The following KYAT3 variants were observed in gnomAD, a reference collection of about 807,000 sequenced individuals.
KYAT3 encodes kynurenine aminotransferase 3, also known as kynurenine--oxoglutarate transaminase 3.
In KYAT3, 50 loss-of-function variants were observed where a neutral mutation model predicts 59.0. That is an observed-to-expected ratio of 0.85 (90% CI 0.68 to 1.07). The LOEUF (loss-of-function observed/expected upper bound fraction) is 1.07. Ranked by LOEUF, KYAT3 falls within the 50% of genes least tolerant of loss-of-function variation. The probability of loss-of-function intolerance (pLI) is 0.00; values close to 1 mark genes in which losing one functional copy is unlikely to be tolerated. For synonymous variants in KYAT3, 148 were observed against 177.0 expected (o/e 0.84, Z 1.30); for missense variants, 497 against 533.3 (o/e 0.93, Z 0.67).
intron 4 of KYAT3, among the ~76,000 whole-genome samples, chr1:88,968,355 T>A (rs1336139216): frequency 6.6e-6 from 1 of 152,186 alleles, no homozygotes; most frequent in Non-Finnish European, 1.5e-5. Flanking sequence ...GTGCTCAGGC[T>A]GCATAAATGT....
the KYAT3 span, among the ~76,000 whole-genome samples, chr1:88,925,681 GAA>G: frequency 1.5e-5 from 2 of 134,048 alleles, no homozygotes; most frequent in Admixed American, 1.4e-4. Flanking sequence ...AAGAGAGATG[GAA>G]GAGAGAGAGA....
chr1:88,976,599 C>A (rs1676797821), intron 2 of KYAT3, among the ~76,000 whole-genome samples: 1 of 151,998 alleles, frequency 6.6e-6, no homozygotes, highest in Non-Finnish European at 1.5e-5. Flanking sequence ...TTAGAGTGTA[C>A]CCTTACTTAT....
chr1:88,965,820 G>C (rs899859300), intron 4 of KYAT3, among the ~76,000 whole-genome samples: 1 of 152,176 alleles, frequency 6.6e-6, no homozygotes, highest in African/African-American at 2.4e-5. Flanking sequence ...TGCAGGTCAT[G>C]TACCTTTGTT....
intron 11 of KYAT3, among the ~76,000 whole-genome samples, chr1:88,948,254 TCA>T (rs1675527868): frequency 6.6e-6 from 1 of 152,194 alleles, no homozygotes; most frequent in South Asian, 2.1e-4. Flanking sequence ...ATAAAACACT[TCA>T]GTTTTTCAAG....
intron 2 of KYAT3, among the ~76,000 whole-genome samples, chr1:88,985,372 A>T (rs1677393349): frequency 6.6e-6 from 1 of 152,186 alleles, no homozygotes; most frequent in South Asian, 2.1e-4. Flanking sequence ...GACAACTAGA[A>T]GTTTGGGTTT....
chr1:88,961,413 T>G lies in KYAT3; in HGVS notation c.634A>C (p.Ile212Leu). The change falls in exon 7 of 14, where the codon ATA becomes CTA. Residue 212 changes from isoleucine to leucine, a missense_variant. Ile to Leu is a conservative substitution (Grantham distance 5). This residue lies in a region of KYAT3 where 469 missense variants were observed against 479.1 expected (regional missense o/e 0.98). Transcript: ENST00000260508. ...AGTGGGTTATGTGGAGTATTTAGTA[T>G]AATAGCTTTGGTTTTGGAATTAAAT... Reference protein sequence around the residue: ...SKFNSKTKAIILNTPHNPLGK... With the variant: ...SKFNSKTKAILLNTPHNPLGK... 1 of 1,613,994 alleles carries G rather than the reference T, an allele frequency of 6.2e-7. No individual in the cohort carries two copies. Among genetic ancestry groups the G allele is most frequent in the Non-Finnish European group, 8.5e-7 (1 of 1,179,904 alleles).
At chr1:88,955,281 A>G (rs903088577) in intron 8 of KYAT3, 56 bp from the exon 9 acceptor site, 3 of 1,012,098 alleles carry the variant, frequency 3.0e-6, no homozygotes, top group South Asian at 2.7e-5. Flanking sequence ...CACATTTAGT[A>G]TAATCTAAAA....
At chr1:88,973,411 T>C (rs965285471) in intron 2 of KYAT3, among the ~76,000 whole-genome samples, 2 of 152,228 alleles carry the variant, frequency 1.3e-5, no homozygotes, top group Admixed American at 6.5e-5. Context: ...CTGCAGTAGA[T>C]GCAAATGCTC....
At chr1:88,957,262 C>T (rs916652096) in intron 8 of KYAT3, among the ~76,000 whole-genome samples, 2 of 152,156 alleles carry the variant, frequency 1.3e-5, no homozygotes, top group Non-Finnish European at 2.9e-5. Context: ...AGAAGGAATA[C>T]TTTAAGATTT....
downstream of KYAT3, among the ~76,000 whole-genome samples, chr1:88,933,665 A>T (rs558109493): frequency 6.6e-6 from 1 of 152,332 alleles, no homozygotes; most frequent in South Asian, 2.1e-4. Flanking sequence ...CAATTCTGAG[A>T]GTGTGTGAGG....
At chr1:88,973,373 C>A (rs1209388198) in intron 2 of KYAT3, among the ~76,000 whole-genome samples, 1 of 152,192 alleles carries the variant, frequency 6.6e-6, no homozygotes, top group Non-Finnish European at 1.5e-5. Context: ...TTACAAGACA[C>A]TATACAATGT....
chr1:88,978,841 G>A (rs1024960407), intron 2 of KYAT3, among the ~76,000 whole-genome samples: 6 of 149,274 alleles, frequency 4.0e-5, no homozygotes, highest in Admixed American at 3.3e-4. Context: ...ACATTCATTT[G>A]TAGAGAGGGT....
At chr1:88,928,570 G>C in the KYAT3 span, among the ~76,000 whole-genome samples, 2 of 152,276 alleles carry the variant, frequency 1.3e-5, no homozygotes, top group Admixed American at 6.5e-5. Context: ...CTTATGTCAA[G>C]GGAATCACTG....
At chr1:88,932,991 T>C (rs186270482), downstream of KYAT3, among the ~76,000 whole-genome samples, 1 of 152,274 alleles carries the variant, frequency 6.6e-6, no homozygotes, top group Non-Finnish European at 1.5e-5. Context: ...CTCCTGTCTT[T>C]GAAGTATTGC....
intron 11 of KYAT3, among the ~76,000 whole-genome samples, chr1:88,948,078 C>T (rs1315594327): frequency 7.0e-6 from 1 of 143,458 alleles, no homozygotes; most frequent in Admixed American, 7.0e-5. Context: ...GGTGACAGGG[C>T]CAGACCCTGC....
chr1:88,942,916 A>T, intron 13 of KYAT3, 89 bp downstream of exon 13: 2 of 999,006 alleles, frequency 2.0e-6, no homozygotes, highest in South Asian at 2.9e-5. Flanking sequence ...GCATATGAGC[A>T]TATCATTTTT....
At chr1:88,950,458 G>A (rs1387419186) in intron 10 of KYAT3, among the ~76,000 whole-genome samples, 1 of 151,870 alleles carries the variant, frequency 6.6e-6, no homozygotes, top group East Asian at 1.9e-4. Flanking sequence ...TGGAGAATAA[G>A]AGTGTTCAGA....
chr1:88,940,108 C>T (rs375431191), intron 13 of KYAT3, among the ~76,000 whole-genome samples: 9 of 152,082 alleles, frequency 5.9e-5, no homozygotes, highest in East Asian at 1.9e-4. Flanking sequence ...CTGACTCCAT[C>T]ACCCAGGCTG....
intron 2 of KYAT3, chr1:88,983,465 C>A: frequency 6.2e-7 from 1 of 1,614,086 alleles, no homozygotes; most frequent in South Asian, 1.1e-5. Context: ...TGAAGGAGGT[C>A]CCCTGGTTCC....
Sources: allele counts gnomAD v4.1 joint callset (sites outside exome capture counted in the v4.1 genomes callset), GRCh38; gene constraint gnomAD v4.1.1; regional missense constraint gnomAD v4.1.1; transcripts MANE v1.5; gene names NCBI Gene and HGNC (gene_info 2026-07-23, HGNC 2026-07-21).